SHISA9: variants seen among roughly 807,000 people sequenced by gnomAD.
SHISA9 encodes shisa family member 9, also known as protein shisa-9.
SHISA9 carries 13 observed loss-of-function variants against 38.0 expected under a neutral mutation model. The observed-to-expected ratio is 0.34, with a 90% CI of 0.22 to 0.54. SHISA9 has a LOEUF of 0.54. Ranked by LOEUF, SHISA9 falls within the 20% of genes least tolerant of loss-of-function variation. SHISA9 has a pLI of 0.91. For synonymous variants in SHISA9, 275 were observed against 242.0 expected (o/e 1.14, Z -1.27); for missense variants, 538 against 575.8 (o/e 0.93, Z 0.67).
At chr16:13,069,985 C>T (rs1333174918) in intron 2 of SHISA9, among the ~76,000 whole-genome samples, 1 of 152,148 alleles carries the variant, frequency 6.6e-6, no homozygotes, top group East Asian at 1.9e-4. Flanking sequence ...CTGTTATAAG[C>T]CACCCAGGCT....
chr16:13,107,439 A>AAAAC (rs536168752), intron 2 of SHISA9, among the ~76,000 whole-genome samples: 19 of 148,778 alleles, frequency 1.3e-4, no homozygotes, highest in Admixed American at 5.5e-4. Flanking sequence ...TCTGAAAACA[A>AAAAC]AAACAAACAA....
At chr16:13,088,813 G>T (rs774098876) in intron 2 of SHISA9, among the ~76,000 whole-genome samples, 9 of 152,084 alleles carry the variant, frequency 5.9e-5, no homozygotes, top group Non-Finnish European at 1.2e-4. Context: ...TCTTTCTCTT[G>T]CCTGATTGCC....
rs1032934536 is a variant in SHISA9, at chr16:13,182,510, A to T, written c.692-20884A>T. Among the ~76,000 whole-genome samples, 3 of 152,138 alleles carry T rather than the reference A, an allele frequency of 2.0e-5. No individual in the cohort carries two copies. In the South Asian group the frequency reaches 6.2e-4, roughly 32 times the overall value. ...ACTGAGTCAAAGGTATAAGGGTTCT[A>T]TTTTTCCTCTGATGGCCTCAGTTGT... is the stretch of plus-strand genomic sequence containing the variant. On this transcript the variant is annotated intron_variant, in intron 2 of 4. Coordinates refer to ENST00000558583, the MANE Select transcript of SHISA9 (RefSeq NM_001145204.3).
Position 13,237,162 on chromosome 16 carries a change from T to G in SHISA9, c.*1753T>G, listed in dbSNP as rs2051393035. On this transcript the variant is annotated 3_prime_UTR_variant, in exon 5 of 5. Transcript: ENST00000558583. ...AGACTCAGAGTATTTTCTGAAATCC[T>G]GAGCTGCAAGGTTCTGCCTCACCTG... 1.3e-5 allele frequency: 2 copies of G among 152,218 alleles called. No homozygotes were observed. The highest frequency in any genetic ancestry group is 1.3e-4 in the Admixed American group (2 of 15,286). 9.4% of individuals were successfully genotyped at this position (152,218 alleles called of 1,614,324 possible).
At chr16:13,479,644 G>A in the SHISA9 span, among the ~76,000 whole-genome samples, 1 of 151,910 alleles carries the variant, frequency 6.6e-6, no homozygotes, top group Non-Finnish European at 1.5e-5. Context: ...TGCTAATCAC[G>A]AGCTAGTTTG....
chr16:13,522,690 G>A, the SHISA9 span, among the ~76,000 whole-genome samples: 443 of 152,294 alleles, frequency 2.9e-3, 6 homozygotes, highest in African/African-American at 0.01. Context: ...GCTGCAGTGA[G>A]AGCCTTATAA....
At chr16:13,446,940 A>C in the SHISA9 span, among the ~76,000 whole-genome samples, 10 of 151,532 alleles carry the variant, frequency 6.6e-5, no homozygotes, top group East Asian at 1.9e-3. Flanking sequence ...AGATCTTGCC[A>C]CTGCACTCCA....
At chr16:13,070,379 C>T (rs2141921834) in intron 2 of SHISA9, among the ~76,000 whole-genome samples, 1 of 152,310 alleles carries the variant, frequency 6.6e-6, no homozygotes. Flanking sequence ...TAGGAAACCA[C>T]CGCAGGGCGA....
intron 1 of SHISA9, among the ~76,000 whole-genome samples, chr16:12,914,149 A>C (rs34803462): frequency 6.7e-6 from 1 of 149,170 alleles, no homozygotes; most frequent in African/African-American, 2.5e-5. Context: ...GGGTTCAAGC[A>C]ATTGTCCTGC....
chr16:12,986,153 C>G (rs1002800623), intron 2 of SHISA9, among the ~76,000 whole-genome samples: 1 of 152,146 alleles, frequency 6.6e-6, no homozygotes, highest in African/African-American at 2.4e-5. Context: ...TATACAAACC[C>G]TCTTTAAGGA....
chr16:13,455,110 A>T, the SHISA9 span, among the ~76,000 whole-genome samples: 1 of 152,150 alleles, frequency 6.6e-6, no homozygotes, highest in African/African-American at 2.4e-5. Context: ...ATATAACCAC[A>T]TAATTATACC....
At chr16:13,056,685 T>A (rs2073314313) in intron 2 of SHISA9, among the ~76,000 whole-genome samples, 1 of 152,214 alleles carries the variant, frequency 6.6e-6, no homozygotes, top group Non-Finnish European at 1.5e-5. Context: ...TCAGTTTCCT[T>A]TCCCATAAAA....
At chr16:13,516,339 G>C in the SHISA9 span, among the ~76,000 whole-genome samples, 1 of 152,186 alleles carries the variant, frequency 6.6e-6, no homozygotes, top group African/African-American at 2.4e-5. Context: ...GAAGCAGAAA[G>C]AACATGTTTT....
the SHISA9 span, among the ~76,000 whole-genome samples, chr16:13,432,293 T>C: frequency 6.6e-6 from 1 of 152,192 alleles, no homozygotes; most frequent in Non-Finnish European, 1.5e-5. Flanking sequence ...AGATGCCTGT[T>C]CCCCAGGAAC....
chr16:13,235,510 A>G lies in SHISA9; in HGVS notation c.*101A>G, dbSNP rs1436458768. 1 of 1,343,946 alleles carries G rather than the reference A, an allele frequency of 7.4e-7. No individual in the cohort carries two copies. Among genetic ancestry groups the G allele is most frequent in the Non-Finnish European group, 9.9e-7 (1 of 1,011,714 alleles). The allele number at this position is 1,343,946 out of a possible 1,614,324, so 83.3% of individuals were successfully genotyped here. A position where few individuals can be genotyped will look rare whatever the true frequency, so the allele number is the denominator to read the frequency against. ...CCATCCTCCCCTAATACATGCGTCC[A>G]CACACTCACTCTCAACAAGAACCAA... On this transcript the variant is annotated 3_prime_UTR_variant, in exon 5 of 5. Transcript: ENST00000558583.
the SHISA9 span, among the ~76,000 whole-genome samples, chr16:13,326,436 C>G: frequency 6.6e-6 from 1 of 152,138 alleles, no homozygotes; most frequent in Non-Finnish European, 1.5e-5. Context: ...GAGTCAAAGT[C>G]CCCACCGGGT....
the SHISA9 span, among the ~76,000 whole-genome samples, chr16:13,256,942 G>T: frequency 6.6e-6 from 1 of 152,182 alleles, no homozygotes; most frequent in Non-Finnish European, 1.5e-5. Context: ...CACACAATAT[G>T]TTTGATATAC....
At chr16:12,987,778 G>A (rs1231376772) in intron 2 of SHISA9, among the ~76,000 whole-genome samples, 2 of 152,154 alleles carry the variant, frequency 1.3e-5, no homozygotes, top group Non-Finnish European at 2.9e-5. Flanking sequence ...AGCAATTAGA[G>A]CTGCCATTTT....
chr16:13,299,880 T>A, the SHISA9 span, among the ~76,000 whole-genome samples: 1 of 152,232 alleles, frequency 6.6e-6, no homozygotes, highest in East Asian at 1.9e-4. Context: ...GTTTCCTCAT[T>A]TGCAAATGGC....
Sources: gnomAD v4.1 joint callset for allele counts (sites outside exome capture counted in the v4.1 genomes callset) on GRCh38, gnomAD v4.1.1 for gene constraint, MANE v1.5 for transcripts, NCBI Gene and HGNC (gene_info 2026-07-23, HGNC 2026-07-21) for gene names.